The following ZNF98 variants were observed in gnomAD, a reference collection of about 807,000 sequenced individuals.
ZNF98 encodes zinc finger protein 98, also known as zinc finger protein 739.
Under a neutral mutation model 12.8 loss-of-function variants are expected in ZNF98, and 8 were observed. The ratio of observed to expected loss-of-function variants is 0.63; its 90% CI spans 0.37 to 1.13. The LOEUF (loss-of-function observed/expected upper bound fraction) is 1.13, where lower values mean the gene tolerates loss of function less well. ZNF98 is among the 50% of genes most tolerant of loss of function. ZNF98 has a pLI of 0.01. For missense variants in ZNF98, 379 were observed against 666.1 expected, an observed-to-expected ratio of 0.57 and a Z score of 4.74; for synonymous variants, 112 against 223.5, an observed-to-expected ratio of 0.50 and a Z score of 4.45.
intron 3 of ZNF98, among the ~76,000 whole-genome samples, chr19:22,396,507 AAC>A (rs1410247093): frequency 2.0e-5 from 3 of 152,132 alleles, no homozygotes; most frequent in Non-Finnish European, 4.4e-5. Flanking sequence ...TTAAAAATGT[AAC>A]AGTCTGTCTT....
rs749909912 is a variant in ZNF98 at position 22,402,931 on chromosome 19, C to T, written c.158-47G>A. 4 of 1,518,512 alleles carry T rather than the reference C, an allele frequency of 2.6e-6. No homozygotes were observed. In the East Asian group the frequency reaches 7.2e-5, roughly 27 times the overall value. The allele number at this position is 1,518,512 out of a possible 1,614,324, so 94.1% of individuals were successfully genotyped here. On this transcript the variant is annotated intron_variant, in intron 2 of 3. Coordinates refer to ENST00000357774, the MANE Select transcript of ZNF98 (RefSeq NM_001098626.2). ...GAATCTTGCTCATATTCTCCAATTA[C>T]CAATTTAGTAGTGTGTTCAGTAAAA...
intron 3 of ZNF98, among the ~76,000 whole-genome samples, chr19:22,395,144 C>G (rs1356319337): frequency 6.8e-6 from 1 of 147,774 alleles, no homozygotes; most frequent in Non-Finnish European, 1.5e-5. Context: ...TGCACTGCAG[C>G]CTGGGTGACA....
chr19:22,399,666 T>C (rs1385486231), intron 3 of ZNF98, among the ~76,000 whole-genome samples: 2 of 152,166 alleles, frequency 1.3e-5, no homozygotes, highest in Non-Finnish European at 2.9e-5. Context: ...TTTTAGTATA[T>C]TGTCCTAAAT....
At chr19:22,412,391 A>T (rs1399423891) in intron 1 of ZNF98, among the ~76,000 whole-genome samples, 2 of 152,208 alleles carry the variant, frequency 1.3e-5, no homozygotes, top group Non-Finnish European at 2.9e-5. Flanking sequence ...CAAAGATACA[A>T]CATACCTGAA....
rs1969475875 is a variant in ZNF98 at position 22,402,942 on chromosome 19, G to C, written c.158-58C>G. The C allele has an allele frequency of 3.3e-6, 5 of 1,495,562 alleles. 1 individual carries two copies. The highest frequency in any genetic ancestry group is 4.5e-5 in the Admixed American group (2 of 44,088). The allele number at this position is 1,495,562 out of a possible 1,614,324, so 92.6% of individuals were successfully genotyped here. On this transcript the variant is annotated intron_variant, in intron 2 of 3. Transcript: ENST00000357774. Reference sequence around the variant, plus strand: ...ATATTCTCCAATTACCAATTTAGTAGTGTGTTCAGTAAAAAGGATGTAATA... The same window carrying C: ...ATATTCTCCAATTACCAATTTAGTACTGTGTTCAGTAAAAAGGATGTAATA...
chr19:22,415,802 T>G (rs1439214931), intron 1 of ZNF98, among the ~76,000 whole-genome samples: 1 of 148,790 alleles, frequency 6.7e-6, no homozygotes, highest in African/African-American at 2.5e-5. Flanking sequence ...TAAAATAAAA[T>G]AAAAGGCTTA....
chr19:22,397,997 T>G (rs541059727), intron 3 of ZNF98, among the ~76,000 whole-genome samples: 1 of 151,120 alleles, frequency 6.6e-6, no homozygotes, highest in African/African-American at 2.4e-5. Flanking sequence ...AAGAGTCATT[T>G]GCATACCCAC....
intron 1 of ZNF98, among the ~76,000 whole-genome samples, chr19:22,408,573 C>A (rs1568294817): frequency 6.6e-6 from 1 of 152,136 alleles, no homozygotes; most frequent in Non-Finnish European, 1.5e-5. Flanking sequence ...ACTCCGTAAG[C>A]TGATAAGTGA....
In ZNF98 at chr19:22,391,359, T is replaced by G; in HGVS notation, c.*157A>C. Reference sequence around the variant, plus strand: ...TTTCTTTATATTTGTACATTTGTTCTCATCAAGTATAAAGGCTTTCCTGTG... The same window carrying G: ...TTTCTTTATATTTGTACATTTGTTCGCATCAAGTATAAAGGCTTTCCTGTG... On this transcript the variant is annotated 3_prime_UTR_variant, in exon 4 of 4. Coordinates refer to ENST00000357774, the MANE Select transcript of ZNF98 (RefSeq NM_001098626.2). 2 of 1,398,522 alleles carry G rather than the reference T, an allele frequency of 1.4e-6. No homozygotes were observed. The highest frequency in any genetic ancestry group is 5.8e-5 in the Admixed American group (2 of 34,454). 86.6% of individuals were successfully genotyped at this position (1,398,522 alleles called of 1,614,324 possible). A position where few individuals can be genotyped will look rare whatever the true frequency, so the allele number is the denominator to read the frequency against.
At chr19:22,413,786 T>C (rs1969606161) in intron 1 of ZNF98, among the ~76,000 whole-genome samples, 1 of 149,550 alleles carries the variant, frequency 6.7e-6, no homozygotes, top group African/African-American at 2.5e-5. Context: ...GGAGAATCGC[T>C]TGAACCCGGG....
chr19:22,415,097 G>T (rs111912694), intron 1 of ZNF98, among the ~76,000 whole-genome samples: 2 of 150,714 alleles, frequency 1.3e-5, no homozygotes, highest in African/African-American at 4.9e-5. Context: ...TTTCAAAGAA[G>T]ACACACATGT....
At chr19:22,414,105 G>A (rs1334540651) in intron 1 of ZNF98, among the ~76,000 whole-genome samples, 4 of 151,126 alleles carry the variant, frequency 2.6e-5, no homozygotes, top group African/African-American at 4.9e-5. Context: ...CGTGGTGGCA[G>A]GCATCTGTAA....
intron 1 of ZNF98, among the ~76,000 whole-genome samples, chr19:22,409,913 CAAAAAA>C (rs71180546): frequency 0.39 from 34,437 of 89,292 alleles, 2,789 homozygotes; most frequent in Non-Finnish European, 0.45. Flanking sequence ...CTCTATCTCA[CAAAAAA>C]AAAAAAAAAA....
chr19:22,393,178 G>C (rs956752903), intron 3 of ZNF98, among the ~76,000 whole-genome samples, 197 bp from the exon 4 acceptor site: 1 of 152,146 alleles, frequency 6.6e-6, no homozygotes, highest in African/African-American at 2.4e-5. Context: ...AGTTAAGTGT[G>C]TGCAGTGCCC....
intron 1 of ZNF98, among the ~76,000 whole-genome samples, chr19:22,414,683 T>C (rs1236429121): frequency 1.3e-5 from 2 of 151,500 alleles, no homozygotes; most frequent in African/African-American, 4.9e-5. Flanking sequence ...GCTAGCACTA[T>C]GTAGAAGATT....
intron 1 of ZNF98, among the ~76,000 whole-genome samples, chr19:22,408,100 A>G (rs1274395124): frequency 6.6e-6 from 1 of 152,084 alleles, no homozygotes; most frequent in African/African-American, 2.4e-5. Context: ...ATCCACAACA[A>G]TCAAGTCGGC....
At chr19:22,419,309 T>C (rs1022321763) in intron 1 of ZNF98, among the ~76,000 whole-genome samples, 1 of 152,216 alleles carries the variant, frequency 6.6e-6, no homozygotes, top group Admixed American at 6.5e-5. Flanking sequence ...CTTTTCCTTC[T>C]TAACCTTAAC....
At chr19:22,398,907 T>C (rs534595362) in intron 3 of ZNF98, among the ~76,000 whole-genome samples, 1 of 152,190 alleles carries the variant, frequency 6.6e-6, no homozygotes, top group East Asian at 1.9e-4. Context: ...AGAAAAAATA[T>C]ATACAAGATT....
At chr19:22,402,633 C>T (rs1361341275) in intron 3 of ZNF98, 156 bp downstream of exon 3, 2 of 733,838 alleles carry the variant, frequency 2.7e-6, no homozygotes, top group African/African-American at 3.7e-5. Flanking sequence ...GAAGATGCTT[C>T]TATGTGAAAG....
Sources: gnomAD v4.1 joint callset for allele counts (sites outside exome capture counted in the v4.1 genomes callset) on GRCh38, gnomAD v4.1.1 for gene constraint, MANE v1.5 for transcripts, NCBI Gene and HGNC (gene_info 2026-07-23, HGNC 2026-07-21) for gene names.